Variants in CREB5 observed in about 807,000 individuals in gnomAD.
The protein encoded by CREB5 is cAMP responsive element binding protein 5.
CREB5 carries 19 observed loss-of-function variants against 57.1 expected under a neutral mutation model. The ratio of observed to expected loss-of-function variants is 0.33; its 90% CI spans 0.23 to 0.49. The LOEUF (loss-of-function observed/expected upper bound fraction) is 0.49. CREB5 is among the 20% of genes least tolerant of loss of function. The pLI, the probability that CREB5 is intolerant of heterozygous loss-of-function variation, is 0.99. For missense variants in CREB5, 579 were observed against 671.6 expected, an observed-to-expected ratio of 0.86 and a Z score of 1.52; for synonymous variants, 238 against 238.3, an observed-to-expected ratio of 1.00 and a Z score of 0.01.
At chr7:28,788,175 T>C (rs1807447141) in intron 7 of CREB5, among the ~76,000 whole-genome samples, 1 of 152,120 alleles carries the variant, frequency 6.6e-6, no homozygotes, top group Non-Finnish European at 1.5e-5. Flanking sequence ...AGGGGGCTGG[T>C]AGTCTGTCCG....
chr7:28,569,574 T>C (rs1358762190), intron 4 of CREB5, among the ~76,000 whole-genome samples: 1 of 152,198 alleles, frequency 6.6e-6, no homozygotes, highest in Non-Finnish European at 1.5e-5. Flanking sequence ...CTTTCACTGG[T>C]TTATTCATGC....
At chr7:28,769,257 G>T (rs765851702) in intron 7 of CREB5, among the ~76,000 whole-genome samples, 5 of 152,152 alleles carry the variant, frequency 3.3e-5, no homozygotes, top group Non-Finnish European at 5.9e-5. Flanking sequence ...TAAAAAACGT[G>T]TCCTAGACTA....
chr7:28,739,595 T>C (rs1804221920), intron 7 of CREB5, among the ~76,000 whole-genome samples: 3 of 152,218 alleles, frequency 2.0e-5, no homozygotes, highest in African/African-American at 4.8e-5. Flanking sequence ...ACTTACATTT[T>C]TATGGGCAAG....
At chr7:28,640,812 G>T (rs1404993509) in intron 5 of CREB5, among the ~76,000 whole-genome samples, 10 of 152,264 alleles carry the variant, frequency 6.6e-5, no homozygotes, top group African/African-American at 2.2e-4. Flanking sequence ...CGCTTCCCTA[G>T]AGTACTGAGG....
intron 1 of CREB5, among the ~76,000 whole-genome samples, chr7:28,443,460 A>C (rs1211453552): frequency 6.6e-6 from 1 of 152,192 alleles, no homozygotes; most frequent in Non-Finnish European, 1.5e-5. Context: ...CTGTGCAAAC[A>C]TATTTGAAAA....
intron 5 of CREB5, among the ~76,000 whole-genome samples, chr7:28,693,214 A>G (rs564197837): frequency 1.3e-5 from 2 of 152,326 alleles, no homozygotes; most frequent in Admixed American, 6.5e-5. Flanking sequence ...GCCTAGAAAA[A>G]GCAATCATAT....
At chr7:28,428,037 G>T (rs1471759510) in intron 1 of CREB5, among the ~76,000 whole-genome samples, 2 of 152,048 alleles carry the variant, frequency 1.3e-5, no homozygotes, top group Non-Finnish European at 2.9e-5. Flanking sequence ...TCATGTTTCA[G>T]TTGGAATAGT....
At chr7:28,808,561 C>T (rs1808891177) in intron 8 of CREB5, among the ~76,000 whole-genome samples, 1 of 152,114 alleles carries the variant, frequency 6.6e-6, no homozygotes, top group Admixed American at 6.5e-5. Context: ...GTTTTAGAGA[C>T]AAGGTCTTGC....
intron 1 of CREB5, among the ~76,000 whole-genome samples, chr7:28,476,289 T>C (rs1399643233): frequency 1.3e-5 from 2 of 152,222 alleles, no homozygotes; most frequent in East Asian, 3.8e-4. Flanking sequence ...GAACATTACC[T>C]TCAACATCCT....
chr7:28,321,311 G>A (rs1785491560), intron 1 of CREB5, among the ~76,000 whole-genome samples: 1 of 151,672 alleles, frequency 6.6e-6, no homozygotes, highest in Non-Finnish European at 1.5e-5. Flanking sequence ...TTATTAGCAT[G>A]ATTGTACATG....
intron 4 of CREB5, among the ~76,000 whole-genome samples, chr7:28,565,272 A>G (rs1356696950): frequency 1.3e-5 from 2 of 152,198 alleles, no homozygotes; most frequent in Non-Finnish European, 1.5e-5. Context: ...TAGCTGACAA[A>G]TGGCCACTCA....
intron 6 of CREB5, among the ~76,000 whole-genome samples, chr7:28,723,252 T>C (rs1389582943): frequency 1.3e-5 from 2 of 152,226 alleles, no homozygotes; most frequent in African/African-American, 2.4e-5. Flanking sequence ...GTGTACTTGA[T>C]TTATTCTTAT....
intron 1 of CREB5, among the ~76,000 whole-genome samples, chr7:28,327,570 A>T (rs541083071): frequency 9.2e-4 from 140 of 152,330 alleles, no homozygotes; most frequent in African/African-American, 3.2e-3. Context: ...AGCATTACTT[A>T]TTTGTCTCTG....
At chr7:28,402,123 A>G (rs576724712) in intron 1 of CREB5, among the ~76,000 whole-genome samples, 178 of 152,260 alleles carry the variant, frequency 1.2e-3, no homozygotes, top group African/African-American at 4.1e-3. Flanking sequence ...GTGAGATGGT[A>G]TCTCATTGTG....
chr7:28,637,085 A>T (rs1402420637), intron 5 of CREB5, among the ~76,000 whole-genome samples: 1 of 152,056 alleles, frequency 6.6e-6, no homozygotes, highest in African/African-American at 2.4e-5. Flanking sequence ...GCCCAGGAGG[A>T]TGAGGCTGCA....
chr7:28,610,467 C>T (rs1282656237), intron 5 of CREB5, among the ~76,000 whole-genome samples: 3 of 152,052 alleles, frequency 2.0e-5, no homozygotes, highest in South Asian at 2.1e-4. Context: ...GTATATTCAC[C>T]GCATACATTC....
At position 28,678,996 on chromosome 7, in the gene CREB5, C is replaced by T. The variant is rs570319979; in HGVS notation, c.465-39757C>T. On this transcript the variant is annotated intron_variant, in intron 5 of 10. Transcript: ENST00000357727. ...ATACAATTCCTTAGTTTAAGCTTGC[C>T]TTTTTATTTCTAATACCTTCAAAAC... is the stretch of plus-strand genomic sequence containing the variant. 1.6e-3 allele frequency among the ~76,000 whole-genome samples: 238 copies of T among 148,144 alleles called. 2 individuals are homozygous for T. Among genetic ancestry groups the T allele is most frequent in the African/African-American group, 5.8e-3 (233 of 40,490 alleles).
chr7:28,685,934 G>A lies in CREB5; in HGVS notation c.465-32819G>A, dbSNP rs529729223. On this transcript the variant is annotated intron_variant, in intron 5 of 10. Coordinates refer to ENST00000357727, the MANE Select transcript of CREB5 (RefSeq NM_182898.4). ...CCAGATTTAAGTGGTGACTTCACTAGCACTGAGCTAAAAAGGAGAAGGGGG... is the reference window on the plus strand; with the variant it reads ...CCAGATTTAAGTGGTGACTTCACTAACACTGAGCTAAAAAGGAGAAGGGGG... 55 of 523,856 alleles carry A rather than the reference G, an allele frequency of 1.0e-4. 1 individual carries two copies. The South Asian group carries it at 1.4e-3, about 13-fold the overall frequency. 32.5% of individuals were successfully genotyped at this position (523,856 alleles called of 1,614,324 possible).
At chr7:28,772,932 C>T (rs984095075) in intron 7 of CREB5, among the ~76,000 whole-genome samples, 3 of 152,090 alleles carry the variant, frequency 2.0e-5, no homozygotes, top group East Asian at 3.9e-4. Flanking sequence ...AGGCAGCTCT[C>T]GTAACCTCCT....
Sources: allele counts gnomAD v4.1 joint callset (sites outside exome capture counted in the v4.1 genomes callset), GRCh38; gene constraint gnomAD v4.1.1; transcripts MANE v1.5; gene names NCBI Gene and HGNC (gene_info 2026-07-23, HGNC 2026-07-21).